CWC27: variants seen among roughly 807,000 people sequenced by gnomAD.
The protein encoded by CWC27 is CWC27 spliceosome associated cyclophilin.
Under a neutral mutation model 63.6 loss-of-function variants are expected in CWC27, and 47 were observed. That is an observed-to-expected ratio of 0.74 (90% CI 0.58 to 0.94). The LOEUF (loss-of-function observed/expected upper bound fraction) is 0.94. Ranked by LOEUF, CWC27 falls within the 40% of genes least tolerant of loss-of-function variation. The pLI is 0.00. For synonymous variants in CWC27, 175 were observed against 179.8 expected (o/e 0.97, Z 0.22); for missense variants, 495 against 554.3 (o/e 0.89, Z 1.07).
chr5:64,987,541 AT>A (rs1421642126), intron 13 of CWC27, among the ~76,000 whole-genome samples: 1 of 152,152 alleles, frequency 6.6e-6, no homozygotes. Flanking sequence ...CTCTTTCTTT[AT>A]TCATGATATT....
intron 11 of CWC27, among the ~76,000 whole-genome samples, chr5:64,921,079 G>A (rs1747988020): frequency 6.6e-6 from 1 of 151,926 alleles, no homozygotes; most frequent in Admixed American, 6.6e-5. Context: ...TAGCTGTTTA[G>A]TGCTATACAT....
intron 11 of CWC27, among the ~76,000 whole-genome samples, chr5:64,941,687 C>G (rs2112415202): frequency 6.6e-6 from 1 of 152,058 alleles, no homozygotes; most frequent in Admixed American, 6.5e-5. Flanking sequence ...ATTTTTTACA[C>G]TTTCATTTTT....
At chr5:64,911,352 TTAAC>T (rs1372695475) in intron 11 of CWC27, among the ~76,000 whole-genome samples, 3 of 152,136 alleles carry the variant, frequency 2.0e-5, no homozygotes, top group South Asian at 2.1e-4. Context: ...GAGTGGAGGA[TTAAC>T]TAAGGCATAT....
chr5:65,007,149 C>T (rs1228781893), intron 13 of CWC27, among the ~76,000 whole-genome samples: 3 of 152,146 alleles, frequency 2.0e-5, no homozygotes, highest in Non-Finnish European at 4.4e-5. Flanking sequence ...CGATGTGATG[C>T]TAATGGCATT....
chr5:64,892,551 TG>T, intron 11 of CWC27, among the ~76,000 whole-genome samples: 1 of 152,212 alleles, frequency 6.6e-6, no homozygotes, highest in East Asian at 1.9e-4. Flanking sequence ...TAAACACACG[TG>T]TTTTTTTCCC....
intron 10 of CWC27, among the ~76,000 whole-genome samples, chr5:64,849,230 C>CAAAAAAAAA (rs139344029): frequency 7.5e-6 from 1 of 132,792 alleles, no homozygotes. Context: ...CAATAGCTAC[C>CAAAAAAAAA]AAAAAAAAAA....
intron 11 of CWC27, among the ~76,000 whole-genome samples, chr5:64,908,367 T>C (rs902732052): frequency 1.2e-4 from 18 of 152,222 alleles, no homozygotes; most frequent in African/African-American, 4.1e-4. Context: ...TTCTGTTGAA[T>C]TGGGCTGAAG....
intron 10 of CWC27, among the ~76,000 whole-genome samples, chr5:64,874,154 CTTTTTTTTT>C (rs748768571): frequency 2.1e-5 from 1 of 48,776 alleles, no homozygotes; most frequent in Non-Finnish European, 3.5e-5. Context: ...ATTGTTGATG[CTTTTTTTTT>C]TTTTTTTTTT....
chr5:64,782,302 G>A (rs1964521), intron 3 of CWC27, among the ~76,000 whole-genome samples: 48,752 of 151,704 alleles, frequency 0.32, 8,345 homozygotes, highest in East Asian at 0.5. Flanking sequence ...ACAAAAATTA[G>A]CCAGGCATGG....
At chr5:64,806,878 G>C (rs1341750589) in intron 10 of CWC27, among the ~76,000 whole-genome samples, 2 of 151,904 alleles carry the variant, frequency 1.3e-5, no homozygotes, top group Non-Finnish European at 2.9e-5. Flanking sequence ...TAGTACTTTT[G>C]GTTATTTATA....
At chr5:64,893,414 AACCTT>A (rs1747288268) in intron 11 of CWC27, among the ~76,000 whole-genome samples, 1 of 152,224 alleles carries the variant, frequency 6.6e-6, no homozygotes, top group African/African-American at 2.4e-5. Flanking sequence ...TGTTGCATTA[AACCTT>A]ACTTTGTACA....
At chr5:64,791,026 G>C (rs1457826251) in intron 7 of CWC27, among the ~76,000 whole-genome samples, 1 of 152,090 alleles carries the variant, frequency 6.6e-6, no homozygotes, top group Admixed American at 6.6e-5. Context: ...ACGTCTCAAA[G>C]GTTGGTGAGA....
Position 64,824,728 on chromosome 5 carries a change from C to CTTTTTTTTTTTT in CWC27, c.938+20353_938+20364dup, listed in dbSNP as rs768576527. 8.4e-4 allele frequency among the ~76,000 whole-genome samples: 77 copies of CTTTTTTTTTTTT among 91,974 alleles called. 1 individual carries two copies. Among genetic ancestry groups the CTTTTTTTTTTTT allele is most frequent in the Non-Finnish European group, 1.1e-3 (55 of 48,268 alleles). The allele number at this position is 91,974 out of a possible 152,430, so 60.3% of individuals were successfully genotyped here. On this transcript the variant is annotated intron_variant, in intron 10 of 13. Transcript: ENST00000381070. ...CAGGGGAAGTGTTCCTTTCTTTTCTCTTTTTTTTTTTTTTTTTTTTTTGAG... is the reference window on the plus strand; with the variant it reads ...CAGGGGAAGTGTTCCTTTCTTTTCTCTTTTTTTTTTTTTTTTTTTTTTTTTTTTTTTTTTGAG...
chr5:64,795,697 T>A (rs933931951), intron 7 of CWC27, among the ~76,000 whole-genome samples: 1 of 152,142 alleles, frequency 6.6e-6, no homozygotes, highest in African/African-American at 2.4e-5. Context: ...TTTGGACCCA[T>A]CTTGATAATC....
intron 11 of CWC27, among the ~76,000 whole-genome samples, chr5:64,953,999 C>CT (rs1172291117): frequency 4.2e-4 from 63 of 151,484 alleles, no homozygotes; most frequent in African/African-American, 1.3e-3. Flanking sequence ...AATTCCTTTC[C>CT]TTTTTTTTTA....
chr5:64,973,594 A>G (rs1451031860), intron 12 of CWC27, among the ~76,000 whole-genome samples: 1 of 152,176 alleles, frequency 6.6e-6, no homozygotes, highest in Non-Finnish European at 1.5e-5. Flanking sequence ...TTCACACTAT[A>G]ACAAATGTGT....
intron 11 of CWC27, among the ~76,000 whole-genome samples, chr5:64,935,890 GCTCT>G (rs1252833465): frequency 6.6e-6 from 1 of 151,948 alleles, no homozygotes; most frequent in African/African-American, 2.4e-5. Flanking sequence ...TCATGATTTG[GCTCT>G]CTGTTTGTCT....
chr5:64,931,997 G>A (rs1365638968), intron 11 of CWC27, among the ~76,000 whole-genome samples: 1 of 151,966 alleles, frequency 6.6e-6, no homozygotes, highest in Non-Finnish European at 1.5e-5. Context: ...ACACAAACAA[G>A]AGTTTCTTTA....
At chr5:64,950,370 T>C (rs1250011210) in intron 11 of CWC27, among the ~76,000 whole-genome samples, 2 of 151,916 alleles carry the variant, frequency 1.3e-5, no homozygotes, top group Non-Finnish European at 2.9e-5. Flanking sequence ...AATTTTATTA[T>C]ACTAGAATTT....
Sources: allele counts gnomAD v4.1 joint callset (sites outside exome capture counted in the v4.1 genomes callset), GRCh38; gene constraint gnomAD v4.1.1; transcripts MANE v1.5; gene names NCBI Gene and HGNC (gene_info 2026-07-23, HGNC 2026-07-21).